IMMP1L: variants seen among roughly 807,000 people sequenced by gnomAD.
IMMP1L encodes mitochondrial inner membrane protease subunit 1.
A neutral mutation model predicts 21.8 loss-of-function variants in IMMP1L; 24 were observed. That is an observed-to-expected ratio of 1.10 (90% CI 0.80 to 1.55). The LOEUF (loss-of-function observed/expected upper bound fraction) is 1.55, where lower values mean the gene tolerates loss of function less well. Among genes scored for constraint, IMMP1L ranks in the 40% most tolerant of loss-of-function variants. The probability of loss-of-function intolerance (pLI) is 0.00; values close to 1 mark genes in which losing one functional copy is unlikely to be tolerated. For missense variants in IMMP1L, 195 were observed against 200.7 expected (o/e 0.97, Z 0.17); for synonymous variants, 46 against 62.8 (o/e 0.73, Z 1.26).
chr11:31,442,311 C>T lies in IMMP1L; in HGVS notation c.322-8741G>A, dbSNP rs183844896. Among the ~76,000 whole-genome samples, 6 of 152,278 alleles carry T rather than the reference C, an allele frequency of 3.9e-5. No individual in the cohort carries two copies. The East Asian group carries it at 1.2e-3, about 29-fold the overall frequency. The stretch of plus-strand genomic sequence containing the variant: ...GCACAAACAACAAATGTAATTGCCT[C>T]ATGGCCTGCGGGTGTCCATTTAACA... On this transcript the variant is annotated intron_variant, in intron 4 of 5. Transcript: ENST00000532287.
intron 1 of IMMP1L, among the ~76,000 whole-genome samples, chr11:31,503,875 A>G (rs1250278313): frequency 1.3e-5 from 2 of 152,242 alleles, no homozygotes; most frequent in East Asian, 3.8e-4. Context: ...CCTTCTGAAG[A>G]ACCTGAAGAC....
intron 1 of IMMP1L, among the ~76,000 whole-genome samples, chr11:31,485,223 T>G (rs1236490757): frequency 6.6e-6 from 1 of 151,912 alleles, no homozygotes; most frequent in Non-Finnish European, 1.5e-5. Context: ...AACTGCCATT[T>G]TTAACAGGTA....
At chr11:31,466,763 G>GAC (rs963771620) in intron 1 of IMMP1L, among the ~76,000 whole-genome samples, 11 of 152,048 alleles carry the variant, frequency 7.2e-5, no homozygotes, top group African/African-American at 2.7e-4. Flanking sequence ...CTGGGAAGGG[G>GAC]AGGTAGGAGG....
chr11:31,508,020 G>A (rs1016145585), intron 1 of IMMP1L, among the ~76,000 whole-genome samples: 2 of 152,038 alleles, frequency 1.3e-5, no homozygotes, highest in Non-Finnish European at 2.9e-5. Flanking sequence ...TAGGGGTGGG[G>A]GGACAGAGAG....
intron 1 of IMMP1L, among the ~76,000 whole-genome samples, chr11:31,495,709 T>C (rs1048464142): frequency 4.6e-5 from 7 of 152,048 alleles, no homozygotes; most frequent in Non-Finnish European, 7.4e-5. Context: ...AGCACAGAAA[T>C]AGCATTGACA....
intron 1 of IMMP1L, among the ~76,000 whole-genome samples, chr11:31,499,281 C>T (rs983149574): frequency 6.6e-5 from 10 of 152,052 alleles, no homozygotes; most frequent in East Asian, 1.9e-4. Flanking sequence ...AGGAAAATGG[C>T]GTGAACCCGG....
intron 4 of IMMP1L, among the ~76,000 whole-genome samples, chr11:31,454,571 T>C (rs995076914): frequency 6.6e-6 from 1 of 151,588 alleles, no homozygotes; most frequent in Non-Finnish European, 1.5e-5. Context: ...TTTTATACAA[T>C]GTATATTCGT....
In IMMP1L at chr11:31,509,616, A is replaced by T; in HGVS notation, c.-127T>A. ...AGTCGACCGTCCTTTCGTAGGGCGC[A>T]CTTTTCAGCAATACGCCTTCCGATT... On this transcript the variant is annotated 5_prime_UTR_variant, in exon 1 of 6. Coordinates refer to ENST00000532287, the MANE Select transcript of IMMP1L (RefSeq NM_001304274.2). 1 of 691,904 alleles carries T rather than the reference A, an allele frequency of 1.4e-6. No homozygotes were observed. The highest frequency in any genetic ancestry group is 2.4e-6 in the Non-Finnish European group (1 of 418,114). The allele number at this position is 691,904 out of a possible 1,614,324, so 42.9% of individuals were successfully genotyped here. A position where few individuals can be genotyped will look rare whatever the true frequency, so the allele number is the denominator to read the frequency against.
chr11:31,438,102 A>G (rs774400264), intron 4 of IMMP1L, among the ~76,000 whole-genome samples: 4 of 152,150 alleles, frequency 2.6e-5, no homozygotes, highest in Non-Finnish European at 5.9e-5. Flanking sequence ...CTGGGTCATC[A>G]GTAAGTCTAT....
intron 1 of IMMP1L, chr11:31,473,830 T>C: frequency 1.5e-6 from 1 of 661,382 alleles, no homozygotes; most frequent in Non-Finnish European, 1.9e-6. Flanking sequence ...AGGAAAAATA[T>C]ATATATACAC....
intron 1 of IMMP1L, among the ~76,000 whole-genome samples, chr11:31,495,136 T>G (rs954145299): frequency 7.2e-5 from 11 of 152,224 alleles, no homozygotes; most frequent in African/African-American, 2.7e-4. Flanking sequence ...AGTAAGTTGC[T>G]CATCTCCATC....
At chr11:31,447,757 T>A (rs927774340) in intron 4 of IMMP1L, among the ~76,000 whole-genome samples, 1 of 152,226 alleles carries the variant, frequency 6.6e-6, no homozygotes, top group African/African-American at 2.4e-5. Flanking sequence ...CTTGCTAATT[T>A]AACATCTTTA....
intron 1 of IMMP1L, among the ~76,000 whole-genome samples, chr11:31,500,790 C>G (rs1161866393): frequency 6.6e-6 from 1 of 152,050 alleles, no homozygotes; most frequent in East Asian, 1.9e-4. Flanking sequence ...TAAAGTTTTA[C>G]TGGGACAAAG....
chr11:31,468,868 T>G (rs1250017192), intron 1 of IMMP1L, among the ~76,000 whole-genome samples: 3 of 152,184 alleles, frequency 2.0e-5, no homozygotes, highest in Non-Finnish European at 4.4e-5. Context: ...GCATTTAACT[T>G]TCTGAAGAAC....
chr11:31,465,262 C>G (rs1176681485), intron 1 of IMMP1L, among the ~76,000 whole-genome samples: 1 of 151,858 alleles, frequency 6.6e-6, no homozygotes, highest in South Asian at 2.1e-4. Flanking sequence ...AAGACCTCTA[C>G]AATGAAAACT....
chr11:31,436,166 T>TC (rs1953110103), intron 4 of IMMP1L, among the ~76,000 whole-genome samples: 2 of 152,114 alleles, frequency 1.3e-5, no homozygotes, highest in African/African-American at 4.8e-5. Flanking sequence ...CAAACATTTT[T>TC]CCCAATCTAT....
At chr11:31,444,020 C>G (rs543171370) in intron 4 of IMMP1L, among the ~76,000 whole-genome samples, 1 of 152,308 alleles carries the variant, frequency 6.6e-6, no homozygotes, top group African/African-American at 2.4e-5. Context: ...CCTAAGCTCT[C>G]AATACCTCCA....
chr11:31,482,697 A>T (rs571089891), intron 1 of IMMP1L, among the ~76,000 whole-genome samples: 2 of 152,074 alleles, frequency 1.3e-5, no homozygotes, highest in Non-Finnish European at 2.9e-5. Context: ...TGGGGGGAAA[A>T]AAACGAGTGT....
chr11:31,487,718 A>C (rs1955130618), intron 1 of IMMP1L, among the ~76,000 whole-genome samples: 1 of 152,190 alleles, frequency 6.6e-6, no homozygotes, highest in South Asian at 2.1e-4. Flanking sequence ...AAACTAACTT[A>C]CATTACAAAA....
Sources: allele counts gnomAD v4.1 joint callset (sites outside exome capture counted in the v4.1 genomes callset), GRCh38; gene constraint gnomAD v4.1.1; transcripts MANE v1.5; gene names NCBI Gene and HGNC (gene_info 2026-07-23, HGNC 2026-07-21).